Variants in CAST observed in about 807,000 individuals in gnomAD.
CAST encodes the protein calpastatin.
CAST carries 76 observed loss-of-function variants against 119.6 expected under a neutral mutation model. That is an observed-to-expected ratio of 0.64 (90% CI 0.53 to 0.77). The LOEUF (loss-of-function observed/expected upper bound fraction) is 0.77, where lower values mean the gene tolerates loss of function less well. Ranked by LOEUF, CAST falls within the 30% of genes least tolerant of loss-of-function variation. The probability of loss-of-function intolerance (pLI) is 0.00; values close to 1 mark genes in which losing one functional copy is unlikely to be tolerated. For missense variants in CAST, 953 were observed against 946.5 expected (o/e 1.01, Z -0.09); for synonymous variants, 319 against 331.6 (o/e 0.96, Z 0.41).
chr5:96,223,799 C>T, the CAST span, among the ~76,000 whole-genome samples: 1 of 152,078 alleles, frequency 6.6e-6, no homozygotes, highest in African/African-American at 2.4e-5. Flanking sequence ...CTGGGCTCAC[C>T]CTTTTGTGTA....
the CAST span, among the ~76,000 whole-genome samples, chr5:96,119,372 A>T: frequency 6.6e-6 from 1 of 152,182 alleles, no homozygotes; most frequent in Admixed American, 6.5e-5. Flanking sequence ...TTTAAAATCT[A>T]GAGGTTTCAC....
the CAST span, among the ~76,000 whole-genome samples, chr5:96,326,695 A>ATTTTTTTTTTTTTTTTTT: frequency 2.3e-4 from 22 of 95,734 alleles, no homozygotes; most frequent in Non-Finnish European, 2.6e-4. Context: ...ATGGCTTTTC[A>ATTTTTTTTTTTTTTTTTT]TTTTTTTTTT....
At chr5:96,121,068 T>C in the CAST span, among the ~76,000 whole-genome samples, 1 of 152,178 alleles carries the variant, frequency 6.6e-6, no homozygotes, top group African/African-American at 2.4e-5. Context: ...TTTTAAATTT[T>C]ATTTTATAGA....
intron 16 of CAST, among the ~76,000 whole-genome samples, chr5:96,745,436 C>T (rs1300639014): frequency 6.6e-6 from 1 of 152,112 alleles, no homozygotes; most frequent in Non-Finnish European, 1.5e-5. Context: ...CTGACTTTCT[C>T]TATTATTGTG....
the CAST span, among the ~76,000 whole-genome samples, chr5:96,056,093 C>G: frequency 6.6e-6 from 1 of 152,050 alleles, no homozygotes; most frequent in South Asian, 2.1e-4. Context: ...ATCAGCTTAC[C>G]TTACCTCCCC....
the CAST span, among the ~76,000 whole-genome samples, chr5:96,091,379 A>G: frequency 6.8e-6 from 1 of 146,658 alleles, no homozygotes; most frequent in Non-Finnish European, 1.5e-5. Flanking sequence ...ATTTTTTTGT[A>G]TTTTTAGTGG....
At chr5:96,185,995 C>T in the CAST span, among the ~76,000 whole-genome samples, 1 of 151,884 alleles carries the variant, frequency 6.6e-6, no homozygotes, top group South Asian at 2.1e-4. Flanking sequence ...TGAAATGTTT[C>T]TTCATTTGAT....
the CAST span, among the ~76,000 whole-genome samples, chr5:96,516,611 T>C: frequency 6.6e-6 from 1 of 152,184 alleles, no homozygotes; most frequent in Non-Finnish European, 1.5e-5. Flanking sequence ...AGAAATGCAA[T>C]TAATTCACTC....
chr5:96,499,351 G>C, the CAST span, among the ~76,000 whole-genome samples: 1 of 152,204 alleles, frequency 6.6e-6, no homozygotes, highest in South Asian at 2.1e-4. Context: ...TCGTTTCCAA[G>C]TGCATATAAA....
At chr5:96,621,340 C>G (rs966285756) in intron 1 of CAST, among the ~76,000 whole-genome samples, 24 of 152,136 alleles carry the variant, frequency 1.6e-4, no homozygotes, top group Middle Eastern at 3.2e-3. Context: ...TTCTTTCTGT[C>G]ACATATAAGG....
At chr5:96,731,234 G>C (rs1010954179) in intron 9 of CAST, among the ~76,000 whole-genome samples, 1 of 152,090 alleles carries the variant, frequency 6.6e-6, no homozygotes, top group Non-Finnish European at 1.5e-5. Context: ...CAGCTGTCTT[G>C]ATACTAGTGT....
intron 1 of CAST, among the ~76,000 whole-genome samples, chr5:96,651,277 C>G (rs113707885): frequency 2.0e-5 from 3 of 152,204 alleles, no homozygotes. Context: ...CTCCACCACA[C>G]TGCAGAGGAT....
intron 2 of CAST, among the ~76,000 whole-genome samples, chr5:96,681,769 C>A (rs1751457336): frequency 6.6e-6 from 1 of 150,640 alleles, no homozygotes; most frequent in Admixed American, 6.6e-5. Context: ...CCAGGATGTA[C>A]TTATATATTA....
the CAST span, among the ~76,000 whole-genome samples, chr5:96,515,123 A>G: frequency 6.6e-6 from 1 of 151,990 alleles, no homozygotes; most frequent in African/African-American, 2.4e-5. Flanking sequence ...CCAATACCCA[A>G]TCTTCTCTTT....
chr5:95,981,671 C>T, the CAST span, among the ~76,000 whole-genome samples: 2 of 152,046 alleles, frequency 1.3e-5, no homozygotes, highest in Non-Finnish European at 2.9e-5. Context: ...GTCAAGAGAT[C>T]GAGACCTTCC....
chr5:96,140,707 A>G, the CAST span, among the ~76,000 whole-genome samples: 13 of 152,350 alleles, frequency 8.5e-5, no homozygotes, highest in African/African-American at 2.9e-4. Flanking sequence ...ATGTATTTAC[A>G]GTGTAAGCAC....
intron 1 of CAST, among the ~76,000 whole-genome samples, chr5:96,635,350 A>G (rs966764821): frequency 6.6e-6 from 1 of 152,238 alleles, no homozygotes; most frequent in Non-Finnish European, 1.5e-5. Flanking sequence ...AAGCCTAGAA[A>G]GAACAAGTGT....
chr5:95,963,717 C>T, the CAST span, among the ~76,000 whole-genome samples: 1 of 142,358 alleles, frequency 7.0e-6, no homozygotes, highest in Admixed American at 7.2e-5. Flanking sequence ...CTTTTCTTTT[C>T]TCTCTCTCTT....
At chr5:96,473,109 T>C in the CAST span, among the ~76,000 whole-genome samples, 1 of 152,200 alleles carries the variant, frequency 6.6e-6, no homozygotes, top group South Asian at 2.1e-4. Flanking sequence ...TATTACTTTA[T>C]CTTAACTTGA....
Sources: allele counts gnomAD v4.1 joint callset (sites outside exome capture counted in the v4.1 genomes callset), GRCh38; gene constraint gnomAD v4.1.1; transcripts MANE v1.5; gene names NCBI Gene and HGNC (gene_info 2026-07-23, HGNC 2026-07-21).